The following SRD5A2 variants were observed in gnomAD, a reference collection of about 807,000 sequenced individuals.
SRD5A2 encodes the protein 3-oxo-5-alpha-steroid 4-dehydrogenase 2.
SRD5A2 carries 30 observed loss-of-function variants against 27.4 expected under a neutral mutation model. That is an observed-to-expected ratio of 1.10 (90% CI 0.82 to 1.49). The LOEUF is 1.49. Among genes scored for constraint, SRD5A2 ranks in the 40% most tolerant of loss-of-function variants. The probability of loss-of-function intolerance (pLI) is 0.00; values close to 1 mark genes in which losing one functional copy is unlikely to be tolerated. For missense variants in SRD5A2, 348 were observed against 323.4 expected (o/e 1.08, Z -0.58); for synonymous variants, 141 against 133.6 (o/e 1.06, Z -0.38).
intron 3 of SRD5A2, among the ~76,000 whole-genome samples, chr2:31,530,898 T>A (rs1163299443): frequency 2.0e-5 from 3 of 152,130 alleles, no homozygotes; most frequent in Admixed American, 6.5e-5. Flanking sequence ...TAAATATAGT[T>A]CTCTACACCT....
intron 1 of SRD5A2, among the ~76,000 whole-genome samples, chr2:31,541,085 G>T (rs1371487129): frequency 1.3e-5 from 2 of 152,038 alleles, no homozygotes; most frequent in Non-Finnish European, 2.9e-5. Flanking sequence ...AGATATTAAA[G>T]ATAAGGACAT....
chr2:31,551,886 C>T (rs954382246), intron 1 of SRD5A2, among the ~76,000 whole-genome samples: 3 of 151,880 alleles, frequency 2.0e-5, no homozygotes, highest in East Asian at 1.9e-4. Context: ...AGAAATAGAG[C>T]CATAAAAATA....
intron 4 of SRD5A2, among the ~76,000 whole-genome samples, chr2:31,528,520 C>T (rs1344204955): frequency 6.6e-6 from 1 of 152,296 alleles, no homozygotes; most frequent in Non-Finnish European, 1.5e-5. Flanking sequence ...GTAATCCCAG[C>T]CCTTTGGGAG....
the SRD5A2 span, among the ~76,000 whole-genome samples, chr2:31,616,895 G>A: frequency 1.3e-5 from 2 of 152,040 alleles, no homozygotes; most frequent in Non-Finnish European, 2.9e-5. Flanking sequence ...ATCTTTAACT[G>A]TAGCTCCCAT....
At chr2:31,659,629 A>T in the SRD5A2 span, among the ~76,000 whole-genome samples, 1 of 152,144 alleles carries the variant, frequency 6.6e-6, no homozygotes, top group Non-Finnish European at 1.5e-5. Flanking sequence ...TAACCAGGGA[A>T]GTGAAGGAAG....
the SRD5A2 span, among the ~76,000 whole-genome samples, chr2:31,601,204 T>C: frequency 6.6e-6 from 1 of 151,296 alleles, no homozygotes; most frequent in Admixed American, 6.6e-5. Flanking sequence ...AGAGAGAAGA[T>C]TCAAAGGAAC....
At chr2:31,545,451 G>A (rs557889207) in intron 1 of SRD5A2, among the ~76,000 whole-genome samples, 2 of 152,182 alleles carry the variant, frequency 1.3e-5, no homozygotes, top group South Asian at 4.1e-4. Context: ...GTAATCCATA[G>A]CGTTGTCAGG....
chr2:31,525,350 T>C lies in SRD5A2; in HGVS notation c.*846A>G, dbSNP rs907069457. On this transcript the variant is annotated 3_prime_UTR_variant, in exon 5 of 5. Transcript: ENST00000622030. ...CTCATTATTTGGATATTGCCACTAG[T>C]TTCCAAAAACATGAGAGTTTGCAAT... 4.0e-5 allele frequency: 9 copies of C among 226,356 alleles called. No individual in the cohort carries two copies. Among genetic ancestry groups the C allele is most frequent in the Non-Finnish European group, 6.2e-5 (7 of 113,710 alleles). 14.0% of individuals were successfully genotyped at this position (226,356 alleles called of 1,614,324 possible).
intron 1 of SRD5A2, among the ~76,000 whole-genome samples, chr2:31,553,237 G>T (rs151073942): frequency 2.8e-4 from 43 of 151,922 alleles, no homozygotes; most frequent in African/African-American, 9.6e-4. Context: ...AAGTGCAAAA[G>T]AAAAAAGAAT....
upstream of SRD5A2, among the ~76,000 whole-genome samples, chr2:31,582,439 C>T (rs28382988): frequency 4.3e-3 from 653 of 152,154 alleles, 5 homozygotes; most frequent in African/African-American, 0.015. Flanking sequence ...ATAATTAATG[C>T]TAATCATACT....
rs1665773606 is a variant in SRD5A2 at position 31,526,104 on chromosome 2, CGGG to C, written c.*89_*91del. ...CAGGAGACCTACTATTACATATATACGGGACTATTATATCATGAAAATTACAGT... is the reference window on the plus strand; with the variant it reads ...CAGGAGACCTACTATTACATATATACACTATTATATCATGAAAATTACAGT... On this transcript the variant is annotated 3_prime_UTR_variant, in exon 5 of 5. Coordinates refer to ENST00000622030, the MANE Select transcript of SRD5A2 (RefSeq NM_000348.4). The C allele has an allele frequency of 1.3e-4, 107 of 797,328 alleles. No individual in the cohort carries two copies. In the African/African-American group the frequency reaches 1.9e-3, roughly 14 times the overall value. The allele number at this position is 797,328 out of a possible 1,614,324, so 49.4% of individuals were successfully genotyped here.
the SRD5A2 span, among the ~76,000 whole-genome samples, chr2:31,593,266 T>TA: frequency 4.6e-5 from 7 of 151,048 alleles, no homozygotes; most frequent in Non-Finnish European, 8.9e-5. Context: ...ATAATAATAA[T>TA]AAAAAAAAGA....
chr2:31,532,891 A>G (rs976831970), intron 2 of SRD5A2, among the ~76,000 whole-genome samples: 2 of 152,050 alleles, frequency 1.3e-5, no homozygotes, highest in Non-Finnish European at 2.9e-5. Context: ...GAGGAGGTGC[A>G]AATTGGTAGG....
At chr2:31,549,592 A>C (rs1468575320) in intron 1 of SRD5A2, among the ~76,000 whole-genome samples, 1 of 152,224 alleles carries the variant, frequency 6.6e-6, no homozygotes, top group East Asian at 1.9e-4. Flanking sequence ...GAGTTACTAT[A>C]CTAATTTCAG....
upstream of SRD5A2, among the ~76,000 whole-genome samples, chr2:31,583,651 C>CAAAAAAAAAAAAAAAAA (rs1558379512): frequency 4.5e-5 from 3 of 66,514 alleles, no homozygotes; most frequent in African/African-American, 1.9e-4. Flanking sequence ...AAAAAAAAAA[C>CAAAAAAAAAAAAAAAAA]CAAAAAAAAA....
At chr2:31,591,020 G>A in the SRD5A2 span, among the ~76,000 whole-genome samples, 1 of 152,168 alleles carries the variant, frequency 6.6e-6, no homozygotes, top group African/African-American at 2.4e-5. Context: ...CAGGACATAG[G>A]CATGGGCAAG....
chr2:31,652,428 T>C, the SRD5A2 span, among the ~76,000 whole-genome samples: 1 of 152,012 alleles, frequency 6.6e-6, no homozygotes, highest in Non-Finnish European at 1.5e-5. Flanking sequence ...TATTTCCAGC[T>C]ATATTTTTTC....
At chr2:31,653,284 T>C in the SRD5A2 span, among the ~76,000 whole-genome samples, 379 of 152,272 alleles carry the variant, frequency 2.5e-3, no homozygotes, top group African/African-American at 8.5e-3. Context: ...GTATTCCAAA[T>C]TCTTGAGGTA....
the SRD5A2 span, among the ~76,000 whole-genome samples, chr2:31,625,033 C>G: frequency 6.6e-6 from 1 of 152,126 alleles, no homozygotes; most frequent in Non-Finnish European, 1.5e-5. Context: ...TGTTTTCTGA[C>G]TTTTTAATGA....
Sources: gnomAD v4.1 joint callset for allele counts (sites outside exome capture counted in the v4.1 genomes callset) on GRCh38, gnomAD v4.1.1 for gene constraint, MANE v1.5 for transcripts, NCBI Gene and HGNC (gene_info 2026-07-23, HGNC 2026-07-21) for gene names.